FHIT: variants seen among roughly 807,000 people sequenced by gnomAD.
FHIT encodes fragile histidine triad diadenosine triphosphatase.
FHIT carries 19 observed loss-of-function variants against 17.9 expected under a neutral mutation model. The ratio of observed to expected loss-of-function variants is 1.06; its 90% confidence interval spans 0.74 to 1.56. The LOEUF (loss-of-function observed/expected upper bound fraction) is 1.56. FHIT is among the 40% of genes most tolerant of loss of function. The pLI is 0.00. For synonymous variants in FHIT, 81 were observed against 69.7 expected, an observed-to-expected ratio of 1.16 and a Z score of -0.81; for missense variants, 248 against 189.2, an observed-to-expected ratio of 1.31 and a Z score of -1.82.
intron 3 of FHIT, among the ~76,000 whole-genome samples, chr3:60,977,973 C>T (rs1710335159): frequency 6.6e-6 from 1 of 152,190 alleles, no homozygotes; most frequent in Non-Finnish European, 1.5e-5. Flanking sequence ...TCAGAAATTC[C>T]TATTCCTTAA....
At chr3:60,967,372 AC>A (rs763045844) in intron 3 of FHIT, among the ~76,000 whole-genome samples, 4 of 152,252 alleles carry the variant, frequency 2.6e-5, no homozygotes, top group Non-Finnish European at 4.4e-5. Flanking sequence ...CATTGCAAAT[AC>A]CTAAGACTTT....
intron 3 of FHIT, among the ~76,000 whole-genome samples, chr3:61,001,005 A>T (rs1229029393): frequency 6.6e-6 from 1 of 152,236 alleles, no homozygotes; most frequent in Non-Finnish European, 1.5e-5. Context: ...GGCAGAAAAT[A>T]TGAAGAGACA....
At chr3:60,549,289 T>C (rs1323003639) in intron 4 of FHIT, among the ~76,000 whole-genome samples, 7 of 152,162 alleles carry the variant, frequency 4.6e-5, no homozygotes, top group Non-Finnish European at 8.8e-5. Context: ...GGTAGAGCAG[T>C]GTCAAAAACT....
intron 3 of FHIT, among the ~76,000 whole-genome samples, chr3:60,895,673 T>G (rs371053989): frequency 3.7e-5 from 1 of 27,188 alleles, no homozygotes; most frequent in Non-Finnish European, 1.3e-4. Context: ...TTCCTTTCTT[T>G]CTTTCTTTCT....
At chr3:59,760,833 T>TTA (rs67705368) in intron 8 of FHIT, among the ~76,000 whole-genome samples, 4 of 80,148 alleles carry the variant, frequency 5.0e-5, no homozygotes, top group African/African-American at 2.9e-4. Context: ...TTAGAGGTAA[T>TTA]TTTTTTTTTT....
intron 5 of FHIT, among the ~76,000 whole-genome samples, chr3:60,354,241 C>T (rs1413137699): frequency 6.6e-6 from 1 of 151,980 alleles, no homozygotes; most frequent in Non-Finnish European, 1.5e-5. Flanking sequence ...AAAAAGTATG[C>T]ACATTAATAG....
intron 5 of FHIT, among the ~76,000 whole-genome samples, chr3:60,473,469 G>A (rs1424090566): frequency 2.0e-5 from 3 of 152,118 alleles, no homozygotes; most frequent in African/African-American, 4.8e-5. Flanking sequence ...TAAATACAAT[G>A]TGAAGAGACA....
At chr3:61,126,843 A>C (rs1358068952) in intron 2 of FHIT, among the ~76,000 whole-genome samples, 1 of 151,832 alleles carries the variant, frequency 6.6e-6, no homozygotes, top group Non-Finnish European at 1.5e-5. Context: ...TCTTGTAAAA[A>C]CCCCAAGAAG....
chr3:60,639,505 T>C (rs2039673545), intron 4 of FHIT, among the ~76,000 whole-genome samples: 1 of 152,158 alleles, frequency 6.6e-6, no homozygotes, highest in Admixed American at 6.6e-5. Context: ...CCATCGTAAA[T>C]GCCCCAAAAT....
At chr3:60,599,144 C>G (rs552317162) in intron 4 of FHIT, among the ~76,000 whole-genome samples, 3 of 152,288 alleles carry the variant, frequency 2.0e-5, no homozygotes, top group African/African-American at 7.2e-5. Flanking sequence ...GATCAGAAAC[C>G]TGCCCAATCC....
chr3:60,615,104 A>C (rs1187390946), intron 4 of FHIT, among the ~76,000 whole-genome samples: 1 of 152,148 alleles, frequency 6.6e-6, no homozygotes, highest in Non-Finnish European at 1.5e-5. Flanking sequence ...CTGGGATTAC[A>C]GTAAAAATTT....
At chr3:61,227,309 T>A (rs925540670) in intron 1 of FHIT, among the ~76,000 whole-genome samples, 4 of 152,160 alleles carry the variant, frequency 2.6e-5, no homozygotes, top group African/African-American at 4.8e-5. Flanking sequence ...TTAAAAAAAA[T>A]TTTTAAACAT....
At chr3:60,165,946 A>C (rs751785772) in intron 5 of FHIT, among the ~76,000 whole-genome samples, 1 of 152,086 alleles carries the variant, frequency 6.6e-6, no homozygotes, top group Non-Finnish European at 1.5e-5. Flanking sequence ...CATCTATGGC[A>C]TTTTTTTATA....
intron 8 of FHIT, among the ~76,000 whole-genome samples, chr3:59,849,645 G>A (rs1220044127): frequency 6.6e-6 from 1 of 152,180 alleles, no homozygotes; most frequent in African/African-American, 2.4e-5. Context: ...GGACTGTATG[G>A]AAGAGATGAA....
intron 7 of FHIT, among the ~76,000 whole-genome samples, chr3:59,936,132 A>T (rs1411223527): frequency 6.6e-6 from 1 of 152,068 alleles, no homozygotes; most frequent in Non-Finnish European, 1.5e-5. Flanking sequence ...TTTGTTCTTC[A>T]GTATTAACTT....
intron 4 of FHIT, among the ~76,000 whole-genome samples, chr3:60,571,439 A>T (rs2107663555): frequency 6.6e-6 from 1 of 151,586 alleles, no homozygotes; most frequent in South Asian, 2.1e-4. Context: ...ATTAATTAAT[A>T]TCAATTAATT....
At chr3:60,724,808 C>T (rs782087314) in intron 4 of FHIT, among the ~76,000 whole-genome samples, 9 of 152,062 alleles carry the variant, frequency 5.9e-5, no homozygotes, top group Non-Finnish European at 1.0e-4. Flanking sequence ...CCCACCATGC[C>T]TGGCTAATTT....
At chr3:61,216,559 G>C (rs1452874593) in intron 1 of FHIT, among the ~76,000 whole-genome samples, 2 of 152,264 alleles carry the variant, frequency 1.3e-5, no homozygotes, top group Non-Finnish European at 1.5e-5. Context: ...CTGTAAACTA[G>C]TTCAACCATT....
chr3:60,085,621 C>G (rs1402386764), intron 5 of FHIT, among the ~76,000 whole-genome samples: 1 of 152,150 alleles, frequency 6.6e-6, no homozygotes, highest in African/African-American at 2.4e-5. Flanking sequence ...CATTTCAGAA[C>G]CTCATATACA....
Sources: gnomAD v4.1 joint callset for allele counts (sites outside exome capture counted in the v4.1 genomes callset) on GRCh38, gnomAD v4.1.1 for gene constraint, MANE v1.5 for transcripts, NCBI Gene and HGNC (gene_info 2026-07-23, HGNC 2026-07-21) for gene names.